The following SLC9A9 variants were observed in gnomAD, a reference collection of about 807,000 sequenced individuals.
The protein encoded by SLC9A9 is sodium/hydrogen exchanger 9.
SLC9A9 carries 62 observed loss-of-function variants against 77.8 expected under a neutral mutation model. The ratio of observed to expected loss-of-function variants is 0.80; its 90% confidence interval spans 0.65 to 0.98. The LOEUF (loss-of-function observed/expected upper bound fraction) is 0.98, where lower values mean the gene tolerates loss of function less well. Ranked by LOEUF, SLC9A9 falls within the 50% of genes least tolerant of loss-of-function variation. SLC9A9 has a pLI of 0.00. For synonymous variants in SLC9A9, 320 were observed against 283.5 expected (o/e 1.13, Z -1.29); for missense variants, 775 against 774.9 (o/e 1.00, Z 0.00).
At chr3:143,399,647 C>T (rs148238644) in intron 12 of SLC9A9, among the ~76,000 whole-genome samples, 1 of 152,232 alleles carries the variant, frequency 6.6e-6, no homozygotes, top group Non-Finnish European at 1.5e-5. Context: ...GAATTAGCAT[C>T]AATTTGGCGG....
chr3:143,290,436 C>A (rs1392515230), intron 14 of SLC9A9, among the ~76,000 whole-genome samples: 1 of 152,198 alleles, frequency 6.6e-6, no homozygotes, highest in Non-Finnish European at 1.5e-5. Context: ...GTGGCTGAAA[C>A]AACAGGAATC....
chr3:143,358,692 T>C (rs1475545116), intron 14 of SLC9A9, among the ~76,000 whole-genome samples: 2 of 152,178 alleles, frequency 1.3e-5, no homozygotes, highest in African/African-American at 2.4e-5. Flanking sequence ...ATGCAAATAA[T>C]TTTATCTGAT....
At chr3:143,706,883 C>T (rs1007155373) in intron 4 of SLC9A9, among the ~76,000 whole-genome samples, 6 of 152,156 alleles carry the variant, frequency 3.9e-5, no homozygotes, top group African/African-American at 1.2e-4. Flanking sequence ...GATAATCCTT[C>T]TTAGAGTGTG....
At chr3:143,730,968 A>C (rs1209916300) in intron 4 of SLC9A9, among the ~76,000 whole-genome samples, 1 of 152,206 alleles carries the variant, frequency 6.6e-6, no homozygotes, top group African/African-American at 2.4e-5. Context: ...TTTTCATTAG[A>C]TCAACAGACT....
chr3:143,325,577 G>T (rs970369648), intron 14 of SLC9A9, among the ~76,000 whole-genome samples: 40 of 152,182 alleles, frequency 2.6e-4, no homozygotes, highest in Non-Finnish European at 1.3e-4. Context: ...AGGAGTAAAG[G>T]CTTCCTAAAT....
chr3:143,369,554 C>T (rs866488465), intron 13 of SLC9A9, among the ~76,000 whole-genome samples: 20 of 152,004 alleles, frequency 1.3e-4, no homozygotes, highest in Non-Finnish European at 2.9e-4. Flanking sequence ...ATGCTAATTA[C>T]CTTGACTTGA....
At chr3:143,813,719 A>T (rs191056468) in intron 2 of SLC9A9, among the ~76,000 whole-genome samples, 3 of 152,168 alleles carry the variant, frequency 2.0e-5, no homozygotes, top group African/African-American at 7.2e-5. Flanking sequence ...TCCTGTATCT[A>T]TTTATCCGCT....
intron 14 of SLC9A9, among the ~76,000 whole-genome samples, chr3:143,277,665 T>C (rs1045829300): frequency 6.6e-6 from 1 of 152,198 alleles, no homozygotes; most frequent in Non-Finnish European, 1.5e-5. Flanking sequence ...AAAGAAAACA[T>C]TTCTGGCGAA....
At chr3:143,626,070 C>T (rs1364148474) in intron 6 of SLC9A9, among the ~76,000 whole-genome samples, 1 of 152,134 alleles carries the variant, frequency 6.6e-6, no homozygotes, top group Non-Finnish European at 1.5e-5. Context: ...AATGAGATAC[C>T]ATCTCACACC....
At chr3:143,738,844 C>A (rs890310818) in intron 4 of SLC9A9, among the ~76,000 whole-genome samples, 1 of 152,180 alleles carries the variant, frequency 6.6e-6, no homozygotes, top group East Asian at 1.9e-4. Context: ...CAGGACCAGC[C>A]AAATGAAAGA....
At chr3:143,488,197 A>G (rs2035682648) in intron 11 of SLC9A9, among the ~76,000 whole-genome samples, 1 of 151,982 alleles carries the variant, frequency 6.6e-6, no homozygotes, top group Admixed American at 6.5e-5. Context: ...CCAAGATTAA[A>G]GCATGAAGAA....
chr3:143,403,679 T>C (rs1220651864), intron 12 of SLC9A9, among the ~76,000 whole-genome samples: 3 of 152,338 alleles, frequency 2.0e-5, no homozygotes, highest in East Asian at 3.9e-4. Context: ...ACTTCATTAA[T>C]TCTGATAAGA....
chr3:143,642,451 T>G lies in SLC9A9; in HGVS notation c.755+9804A>C, dbSNP rs569948933. On this transcript the variant is annotated intron_variant, in intron 6 of 15. Transcript: ENST00000316549. ...TTAACACTTGAGGCCTGGAGCTGCC[T>G]GATTCACAAATCTCTGTTGCTCAAA... 2.1e-4 allele frequency among the ~76,000 whole-genome samples: 32 copies of G among 152,364 alleles called. No homozygotes were observed. The South Asian group carries it at 6.4e-3, about 31-fold the overall frequency.
chr3:143,648,972 A>C (rs1383052473), intron 6 of SLC9A9, among the ~76,000 whole-genome samples: 2 of 152,184 alleles, frequency 1.3e-5, no homozygotes, highest in African/African-American at 4.8e-5. Flanking sequence ...TGGATCCTTG[A>C]CTAAGCCATT....
intron 12 of SLC9A9, among the ~76,000 whole-genome samples, chr3:143,397,630 G>T (rs1192052680): frequency 6.6e-6 from 1 of 152,122 alleles, no homozygotes; most frequent in African/African-American, 2.4e-5. Context: ...AAGCTACGAG[G>T]AACTCTAGGC....
At chr3:143,534,459 A>T (rs2036559117) in intron 9 of SLC9A9, among the ~76,000 whole-genome samples, 1 of 152,170 alleles carries the variant, frequency 6.6e-6, no homozygotes, top group Admixed American at 6.5e-5. Flanking sequence ...CCTGGAGCTC[A>T]CTGCATTAGA....
intron 10 of SLC9A9, among the ~76,000 whole-genome samples, chr3:143,494,029 T>C (rs2035793045): frequency 6.6e-6 from 1 of 152,232 alleles, no homozygotes; most frequent in Non-Finnish European, 1.5e-5. Context: ...CTGTAAATTT[T>C]CTAATCACAT....
At chr3:143,537,478 C>T (rs1194309153) in intron 9 of SLC9A9, among the ~76,000 whole-genome samples, 1 of 152,236 alleles carries the variant, frequency 6.6e-6, no homozygotes, top group Non-Finnish European at 1.5e-5. Context: ...CCACCTGCCA[C>T]CTGCAATTTC....
chr3:143,824,685 C>G (rs954264721), intron 2 of SLC9A9, among the ~76,000 whole-genome samples: 3 of 152,066 alleles, frequency 2.0e-5, no homozygotes, highest in African/African-American at 7.3e-5. Context: ...GGCAAGTGCT[C>G]AATAAATAAA....
Sources: allele counts gnomAD v4.1 joint callset (sites outside exome capture counted in the v4.1 genomes callset), GRCh38; gene constraint gnomAD v4.1.1; transcripts MANE v1.5; gene names NCBI Gene and HGNC (gene_info 2026-07-23, HGNC 2026-07-21).